The following MTUS1 variants were observed in gnomAD, a reference collection of about 807,000 sequenced individuals.
MTUS1 encodes microtubule-associated tumor suppressor 1.
In MTUS1, 109 loss-of-function variants were observed where a neutral mutation model predicts 120.8. That is an observed-to-expected ratio of 0.90 (90% CI 0.77 to 1.06). The LOEUF (loss-of-function observed/expected upper bound fraction) is 1.06, where lower values mean the gene tolerates loss of function less well. Ranked by LOEUF, MTUS1 falls within the 50% of genes least tolerant of loss-of-function variation. MTUS1 has a pLI of 0.00. For missense variants in MTUS1, 2,210 were observed against 1,486.3 expected (o/e 1.49, Z -8.01); for synonymous variants, 737 against 550.5 (o/e 1.34, Z -4.74).
intron 1 of MTUS1, among the ~76,000 whole-genome samples, chr8:17,773,765 C>T (rs993967025): frequency 6.6e-6 from 1 of 152,268 alleles, no homozygotes; most frequent in African/African-American, 2.4e-5. Flanking sequence ...ACATTCAAAT[C>T]ATAGCAATGG....
intron 1 of MTUS1, chr8:17,800,634 G>C (rs1385036941): frequency 1.3e-5 from 2 of 152,216 alleles, no homozygotes; most frequent in Non-Finnish European, 2.9e-5. Flanking sequence ...GCGTGAAAAA[G>C]TGCAAACAAG....
chr8:17,755,132 C>T lies in MTUS1; in HGVS notation c.676G>A (p.Glu226Lys), dbSNP rs780601970. ...THARETTYDR[E>K]SFENPQVTPS... ...GTGACTTGAGGGTTTTCAAAGCTTT[C>T]TCTATCATAAGTAGTTTCTCTTGCA... Residue 226 changes from glutamate (E) to lysine (K), a missense_variant, in exon 2 of 15, where the codon GAA becomes AAA. Transcript: ENST00000693296. The T allele has an allele frequency of 6.2e-7, 1 of 1,614,046 alleles. No individual in the cohort carries two copies. Among genetic ancestry groups the T allele is most frequent in the Admixed American group, 1.7e-5 (1 of 60,020 alleles).
chr8:17,761,701 C>A (rs2049049579), intron 1 of MTUS1, among the ~76,000 whole-genome samples: 2 of 152,278 alleles, frequency 1.3e-5, no homozygotes, highest in South Asian at 4.1e-4. Context: ...GAACTGGCTT[C>A]ATTACTTTAT....
intron 1 of MTUS1, among the ~76,000 whole-genome samples, chr8:17,781,529 A>T (rs2050874857): frequency 6.6e-6 from 1 of 152,260 alleles, no homozygotes; most frequent in Non-Finnish European, 1.5e-5. Context: ...AGAGTTTCTT[A>T]CAAATTAGAA....
rs1805951829 is a variant in MTUS1 at position 17,647,017 on chromosome 8, C to T, written c.3564G>A (p.Leu1188=). ...CCATGTGCTTGTCCATCCGAGCTTT[C>T]AATTCTTCATTCTCCTGCTGGAAAC... ...LKRFQQENEE[L]KARMDKHMAI... The change falls in exon 14 of 15, where the codon TTG becomes TTA. Residue 1188 remains leucine (L), a synonymous_variant. Coordinates refer to ENST00000693296, the MANE Select transcript of MTUS1 (RefSeq NM_001363059.2). The T allele has an allele frequency of 1.2e-6, 2 of 1,613,976 alleles. No individual in the cohort carries two copies. The highest frequency in any genetic ancestry group is 1.7e-6 in the Non-Finnish European group (2 of 1,179,960).
At chr8:17,766,584 C>T (rs531499749) in intron 1 of MTUS1, among the ~76,000 whole-genome samples, 25 of 152,336 alleles carry the variant, frequency 1.6e-4, no homozygotes, top group Admixed American at 1.4e-3. Context: ...GAACTCTGAA[C>T]TTACCTAGTT....
At chr8:17,767,408 T>C (rs2131419508) in intron 1 of MTUS1, among the ~76,000 whole-genome samples, 1 of 149,984 alleles carries the variant, frequency 6.7e-6, no homozygotes, top group East Asian at 2.0e-4. Flanking sequence ...TGAGAGGAGG[T>C]AAAAGGGGCT....
chr8:17,785,720 C>T lies in MTUS1; in HGVS notation c.-155+15341G>A, dbSNP rs371023530. ...CAGGTACCCCAGGGTCACAGATGCA[C>T]ATTTGGAACCTCTGATCTAGATGAC... On this transcript the variant is annotated intron_variant, in intron 1 of 14. Coordinates refer to ENST00000693296, the MANE Select transcript of MTUS1 (RefSeq NM_001363059.2). Among the ~76,000 whole-genome samples the T allele has an allele frequency of 5.3e-5, 8 of 152,300 alleles. No individual in the cohort carries two copies. In the East Asian group the frequency reaches 5.8e-4, roughly 11 times the overall value.
intron 6 of MTUS1, among the ~76,000 whole-genome samples, chr8:17,712,412 A>G (rs1046152357): frequency 1.3e-5 from 2 of 152,046 alleles, no homozygotes; most frequent in South Asian, 2.1e-4. Context: ...TCTACGCTCA[A>G]TGCCACCTCT....
chr8:17,728,856 C>A (rs1016042995), intron 3 of MTUS1, among the ~76,000 whole-genome samples: 3 of 152,200 alleles, frequency 2.0e-5, no homozygotes, highest in African/African-American at 4.8e-5. Flanking sequence ...GTGTGCAGAA[C>A]TGACTGAAGA....
intron 4 of MTUS1, among the ~76,000 whole-genome samples, chr8:17,720,142 C>G (rs548597519): frequency 6.6e-6 from 1 of 152,046 alleles, no homozygotes; most frequent in Non-Finnish European, 1.5e-5. Context: ...GTTAGGAGTT[C>G]GAGACCATCC....
intron 8 of MTUS1, among the ~76,000 whole-genome samples, chr8:17,664,497 G>A (rs1810466237): frequency 6.6e-6 from 1 of 151,016 alleles, no homozygotes; most frequent in Admixed American, 6.6e-5. Flanking sequence ...CTAGGATGGA[G>A]AAGAGCAGCC....
At chr8:17,679,434 G>A (rs1424871244) in intron 7 of MTUS1, among the ~76,000 whole-genome samples, 3 of 151,712 alleles carry the variant, frequency 2.0e-5, no homozygotes, top group Non-Finnish European at 4.4e-5. Flanking sequence ...GGTTAAGGGA[G>A]TTTTTAAAAT....
chr8:17,733,156 G>A (rs1342165860), intron 3 of MTUS1, among the ~76,000 whole-genome samples: 1 of 152,092 alleles, frequency 6.6e-6, no homozygotes, highest in Non-Finnish European at 1.5e-5. Flanking sequence ...CACAAGACCA[G>A]CCTGAACAAC....
Position 17,734,597 on chromosome 8 carries a change from A to G in MTUS1, c.2287+9007T>C, listed in dbSNP as rs533609544. On this transcript the variant is annotated intron_variant, in intron 3 of 14. Transcript: ENST00000693296. ...GGCTTCAGGTGGGGATTAAACAAAA[A>G]TAACTGCCTTAGTCACAGGCCTGGA... Among the ~76,000 whole-genome samples the G allele has an allele frequency of 1.1e-3, 171 of 152,326 alleles. 1 individual carries two copies. The highest frequency in any genetic ancestry group is 4.1e-3 in the African/African-American group (170 of 41,572).
chr8:17,750,187 A>C (rs1039939231), intron 2 of MTUS1, among the ~76,000 whole-genome samples: 7 of 152,320 alleles, frequency 4.6e-5, no homozygotes, highest in Admixed American at 3.9e-4. Context: ...TGAATTCAAC[A>C]ATAACTTAGC....
intron 8 of MTUS1, among the ~76,000 whole-genome samples, chr8:17,663,585 T>TTTTTG (rs752650189): frequency 9.4e-6 from 1 of 106,620 alleles, no homozygotes; most frequent in East Asian, 2.5e-4. Flanking sequence ...CTAAGCCTAC[T>TTTTTG]TTTTGTTTTG....
At chr8:17,738,503 T>A (rs1423873524) in intron 3 of MTUS1, among the ~76,000 whole-genome samples, 1 of 152,214 alleles carries the variant, frequency 6.6e-6, no homozygotes, top group African/African-American at 2.4e-5. Flanking sequence ...ATGTCTGAAT[T>A]GATCATGAAG....
At chr8:17,648,159 C>T (rs191975316) in intron 13 of MTUS1, among the ~76,000 whole-genome samples, 1 of 152,258 alleles carries the variant, frequency 6.6e-6, no homozygotes, top group Admixed American at 6.5e-5. Flanking sequence ...TGGGCAGTGC[C>T]GGTTTCATGG....
Sources: gnomAD v4.1 joint callset for allele counts (sites outside exome capture counted in the v4.1 genomes callset) on GRCh38, gnomAD v4.1.1 for gene constraint, MANE v1.5 for transcripts, NCBI Gene and HGNC (gene_info 2026-07-23, HGNC 2026-07-21) for gene names.